A1BG: variants seen among roughly 807,000 people sequenced by gnomAD.
The protein encoded by A1BG is alpha-1-B glycoprotein.
In A1BG, 44 loss-of-function variants were observed where a neutral mutation model predicts 46.0. The observed-to-expected ratio is 0.96, with a 90% CI of 0.75 to 1.23. The LOEUF is 1.23. Among genes scored for constraint, A1BG ranks in the 50% most tolerant of loss-of-function variants. The pLI is 0.00. For synonymous variants in A1BG, 316 were observed against 314.7 expected, an observed-to-expected ratio of 1.00 and a Z score of -0.04; for missense variants, 707 against 688.8, an observed-to-expected ratio of 1.03 and a Z score of -0.30.
intron 6 of A1BG, 147 bp downstream of exon 6, chr19:58,350,223 T>A: frequency 9.4e-7 from 1 of 1,068,900 alleles, no homozygotes; most frequent in Non-Finnish European, 1.3e-6. Flanking sequence ...CGACCACCGA[T>A]CGCCTGCTCC....
chr19:58,351,206 G>A (rs1203444892), intron 5 of A1BG, 185 bp downstream of exon 5: 1 of 748,326 alleles, frequency 1.3e-6, no homozygotes, highest in Non-Finnish European at 2.2e-6. Flanking sequence ...ATTCCCTGTG[G>A]GGCCTGAAGG....
rs1313597741 is a variant in A1BG, at chr19:58,346,176, G to C, written c.*846C>G. 2.4e-5 allele frequency: 2 copies of C among 83,664 alleles called. No individual in the cohort carries two copies. The highest frequency in any genetic ancestry group is 7.3e-4 in the East Asian group (2 of 2,748). 5.2% of individuals were successfully genotyped at this position (83,664 alleles called of 1,614,324 possible). On this transcript the variant is annotated 3_prime_UTR_variant, in exon 8 of 8. Transcript: ENST00000263100. ...ATGTGGTCGAGGTAGAGGTGAGTAT[G>C]TCTGGAGCCTCAAGCAACTGCCCAT... is the stretch of plus-strand genomic sequence containing the variant.
chr19:58,351,324 A>C, intron 5 of A1BG, 67 bp downstream of exon 5: 1 of 1,572,056 alleles, frequency 6.4e-7, no homozygotes, highest in Non-Finnish European at 8.6e-7. Flanking sequence ...CCCAGACTCT[A>C]CACCTGGTAC....
rs752700305 is a variant in A1BG at position 58,351,694 on chromosome 19, T to C, written c.614-7A>G. 30 of 1,570,768 alleles carry C rather than the reference T, an allele frequency of 1.9e-5. No individual in the cohort carries two copies. The highest frequency in any genetic ancestry group is 2.6e-5 in the Non-Finnish European group (30 of 1,158,146). On this transcript the variant is annotated splice_region_variant and splice_polypyrimidine_tract_variant and intron_variant, in intron 4 of 7. Transcript: ENST00000263100. ...ACAGGCGGTGGTGGTGCAGCTGCAA[T>C]GCAGGCAGCATTACTAGGCTGCCCC...
At chr19:58,347,157 C>G (rs1307883868) in intron 7 of A1BG, 128 bp from the exon 8 acceptor site, 7 of 1,352,992 alleles carry the variant, frequency 5.2e-6, no homozygotes, top group Non-Finnish European at 7.2e-6. Context: ...CCAGCCGAGA[C>G]CCCCATCTGC....
At chr19:58,351,033 G>A in intron 5 of A1BG, 1 of 428,874 alleles carries the variant, frequency 2.3e-6, no homozygotes, top group Non-Finnish European at 4.2e-6. Context: ...CATGGGGTTC[G>A]CTGTCCGGTG....
In A1BG at chr19:58,352,501, C is replaced by T; in HGVS notation, c.395G>A (p.Gly132Asp). 6.2e-7 allele frequency: 1 copy of T among 1,612,902 alleles called. No individual in the cohort carries two copies. Among genetic ancestry groups the T allele is most frequent in the Non-Finnish European group, 8.5e-7 (1 of 1,179,962 alleles). ...TCGGCACACTGCTGTTGTTTTCAGG[C>T]CGGGGGTGATCCAGGACACTGGCGC... is the stretch of plus-strand genomic sequence containing the variant. ...SMAPVSWITP[G>D]LKTTAVCRGV... The change falls in exon 4 of 8, where the codon GGC becomes GAC. Residue 132 changes from glycine to aspartate, a missense_variant. By Grantham distance (94) the Gly-to-Asp change is moderately conservative (BLOSUM62 -1). Coordinates refer to ENST00000263100, the MANE Select transcript of A1BG (RefSeq NM_130786.4).
Position 58,350,410 on chromosome 19 carries a change from C to A in A1BG, c.1152G>T (p.Gly384=), listed in dbSNP as rs1174452912. 2 of 1,549,996 alleles carry A rather than the reference C, an allele frequency of 1.3e-6. No individual in the cohort carries two copies. Among genetic ancestry groups the A allele is most frequent in the Non-Finnish European group, 1.7e-6 (2 of 1,146,670 alleles). The change falls in exon 6 of 8, where the codon GGG becomes GGT. Residue 384 remains glycine, a synonymous_variant. Coordinates refer to ENST00000263100, the MANE Select transcript of A1BG (RefSeq NM_130786.4). ...CCAAGCGCTCGCTGGGCGCGGAGCC[C>A]CCGAAAGGCGGCTTCAGGTCCACGT... The part of the protein sequence containing the change: ...CVYVDLKPPF[G]GSAPSERLEL...
At position 58,353,332 on chromosome 19, in the gene A1BG, G is replaced by A. The variant is rs755590431; in HGVS notation, c.35-5C>T. On this transcript the variant is annotated splice_polypyrimidine_tract_variant and splice_region_variant and intron_variant, in intron 1 of 7. Coordinates refer to ENST00000263100, the MANE Select transcript of A1BG (RefSeq NM_130786.4). ...TCACTGGGCCCCAGGTGACACCTGC[G>A]GAGACAGCCCCCGTAAGGCTCCTGT... The A allele has an allele frequency of 6.9e-5, 111 of 1,611,334 alleles. 1 individual carries two copies. The highest frequency in any genetic ancestry group is 2.5e-4 in the Admixed American group (15 of 59,546).
In A1BG at chr19:58,353,412, A is replaced by G; in HGVS notation, c.26T>C (p.Leu9Ser). The change falls in exon 1 of 8, where the codon TTG becomes TCG. Residue 9 changes from leucine to serine, a missense_variant. By Grantham distance (145) the Leu-to-Ser change is moderately radical (BLOSUM62 -2). Coordinates refer to ENST00000263100, the MANE Select transcript of A1BG (RefSeq NM_130786.4). Reference sequence around the variant, plus strand: ...ACCCCAGGAGGCCTCACCCCACAGCAAGAGAAAGACCACGAGCATGGACAT... The same window carrying G: ...ACCCCAGGAGGCCTCACCCCACAGCGAGAGAAAGACCACGAGCATGGACAT... MSMLVVFL[L>S]LWGVTWGPVT... 6.2e-7 allele frequency: 1 copy of G among 1,611,620 alleles called. No homozygotes were observed. The highest frequency in any genetic ancestry group is 8.5e-7 in the Non-Finnish European group (1 of 1,179,158).
rs374050354 is a variant in A1BG, at chr19:58,353,230, A to G, written c.71-33T>C. 24 of 1,613,602 alleles carry G rather than the reference A, an allele frequency of 1.5e-5. No homozygotes were observed. In the African/African-American group the frequency reaches 3.2e-4, roughly 22 times the overall value. On this transcript the variant is annotated intron_variant, in intron 2 of 7. Coordinates refer to ENST00000263100, the MANE Select transcript of A1BG (RefSeq NM_130786.4). ...GGGTGGCTGGGATCAGCTCAGTGCC[A>G]CAGAGACAGGGCTCCCCCCCGGCCT...
chr19:58,350,965 G>A lies in A1BG; in HGVS notation c.911-314C>T. On this transcript the variant is annotated intron_variant, in intron 5 of 7. Coordinates refer to ENST00000263100, the MANE Select transcript of A1BG (RefSeq NM_130786.4). ...TCAGTAGTGGATTTGCTCCACGAGCGTCTTCTGAGCACCGCCCCAATGCCC... is the reference window on the plus strand; with the variant it reads ...TCAGTAGTGGATTTGCTCCACGAGCATCTTCTGAGCACCGCCCCAATGCCC... The A allele has an allele frequency of 7.1e-6, 3 of 422,106 alleles. No homozygotes were observed. In the South Asian group the frequency reaches 1.4e-4, roughly 20 times the overall value. 26.1% of individuals were successfully genotyped at this position (422,106 alleles called of 1,614,324 possible).
intron 6 of A1BG, 143 bp from the exon 7 acceptor site, chr19:58,347,783 G>T: frequency 2.1e-6 from 1 of 475,604 alleles, no homozygotes; most frequent in Admixed American, 4.6e-5. Context: ...GGGCGCAGAG[G>T]GCTCCTCCGG....
intron 6 of A1BG, chr19:58,349,021 A>T (rs1265961): frequency 0.82 from 122,622 of 149,922 alleles, 52,443 homozygotes; most frequent in Non-Finnish European, 0.95. Flanking sequence ...AAGATTAAAC[A>T]TTTTTTTTTT....
In A1BG at chr19:58,350,665, C is replaced by T; in HGVS notation, c.911-14G>A. On this transcript the variant is annotated splice_polypyrimidine_tract_variant and intron_variant, in intron 5 of 7. Coordinates refer to ENST00000263100, the MANE Select transcript of A1BG (RefSeq NM_130786.4). ...CGGGCAGCGTCTCTGCGGAGCAGCA[C>T]ACGGGCTGACCCGGGCGCCCAGCGG... The T allele has an allele frequency of 7.3e-7, 1 of 1,361,046 alleles. No individual in the cohort carries two copies. The highest frequency in any genetic ancestry group is 1.8e-5 in the South Asian group (1 of 55,834). 84.3% of individuals were successfully genotyped at this position (1,361,046 alleles called of 1,614,324 possible).
intron 5 of A1BG, 28 bp downstream of exon 5, chr19:58,351,363 G>C (rs545512616): frequency 4.4e-6 from 7 of 1,601,834 alleles, no homozygotes; most frequent in Non-Finnish European, 5.9e-6. Context: ...ACCCAGCCGC[G>C]TCCCTGTCCC....
Position 58,345,891 on chromosome 19 carries a change from C to T in A1BG, c.*1131G>A, listed in dbSNP as rs910123371. On this transcript the variant is annotated 3_prime_UTR_variant, in exon 8 of 8. Transcript: ENST00000263100. ...CAACTATTGGTTGATAATACTGATACGCATCTTCTGTGTGCCAGGGCCTTG... is the reference window on the plus strand; with the variant it reads ...CAACTATTGGTTGATAATACTGATATGCATCTTCTGTGTGCCAGGGCCTTG... The T allele has an allele frequency of 5.3e-5, 8 of 152,266 alleles. No homozygotes were observed. Among genetic ancestry groups the T allele is most frequent in the Admixed American group, 2.6e-4 (4 of 15,290 alleles). The allele number at this position is 152,266 out of a possible 1,614,324, so 9.4% of individuals were successfully genotyped here.
rs2148002086 is a variant in A1BG, at chr19:58,353,177, G to A, written c.91C>T (p.Leu31=). The part of the protein sequence containing the change: ...AAIFYETQPS[L]WAESESLLKP... ...AGCAGTGATTCGGACTCTGCCCACA[G>A]GCTGGGCTGCGTCTCATAAACTGCA... The change falls in exon 3 of 8, where the codon CTG becomes TTG. Residue 31 remains leucine (L), a synonymous_variant. Coordinates refer to ENST00000263100, the MANE Select transcript of A1BG (RefSeq NM_130786.4). 6.2e-7 allele frequency: 1 copy of A among 1,613,956 alleles called. No homozygotes were observed.
intron 4 of A1BG, 135 bp downstream of exon 4, chr19:58,352,148 C>A: frequency 6.6e-7 from 1 of 1,505,344 alleles, no homozygotes; most frequent in Non-Finnish European, 8.8e-7. Context: ...AACCATCAGA[C>A]CCAGGCAACC....
Sources: allele counts gnomAD v4.1 joint callset, GRCh38; gene constraint gnomAD v4.1.1; transcripts MANE v1.5; gene names NCBI Gene and HGNC (gene_info 2026-07-23, HGNC 2026-07-21).